The following PDILT variants were observed in gnomAD, a reference collection of about 807,000 sequenced individuals.
PDILT encodes protein disulfide isomerase like, testis expressed.
Under a neutral mutation model 53.7 loss-of-function variants are expected in PDILT, and 43 were observed. The observed-to-expected ratio is 0.80, with a 90% CI of 0.63 to 1.03. PDILT has a LOEUF of 1.03. PDILT is among the 50% of genes least tolerant of loss of function. The pLI, the probability that PDILT is intolerant of heterozygous loss-of-function variation, is 0.00. For missense variants in PDILT, 727 were observed against 712.3 expected, an observed-to-expected ratio of 1.02 and a Z score of -0.24; for synonymous variants, 282 against 274.2, an observed-to-expected ratio of 1.03 and a Z score of -0.28.
At chr16:20,364,616 T>C (rs938771281) in intron 9 of PDILT, among the ~76,000 whole-genome samples, 1 of 152,144 alleles carries the variant, frequency 6.6e-6, no homozygotes, top group Admixed American at 6.6e-5. Context: ...ATAAAAGAAA[T>C]GTCTGAAGGA....
rs768685735 is a variant in PDILT, at chr16:20,362,471, T to C, written c.1349A>G (p.Asn450Ser). The change falls in exon 10 of 12, where the codon AAT (asparagine) becomes AGT (serine). Residue 450 changes from asparagine (N) to serine (S), a missense_variant. Physicochemically the swap from Asn to Ser is conservative, Grantham distance 46 (BLOSUM62 1). Transcript: ENST00000302451. ...IIIAKIDVTA[N>S]DIQLMYLDRY... ...GTCCAGGTACATCAGCTGAATGTCA[T>C]TTGCTGTGACATCGATCTTGGCAAT... 4 of 1,614,068 alleles carry C rather than the reference T, an allele frequency of 2.5e-6. No individual in the cohort carries two copies. Among genetic ancestry groups the C allele is most frequent in the Admixed American group, 1.7e-5 (1 of 60,006 alleles).
Position 20,367,067 on chromosome 16 carries a change from CT to C in PDILT, c.1117-1528del, listed in dbSNP as rs1271440906. Among the ~76,000 whole-genome samples, 94 of 119,068 alleles carry C rather than the reference CT, an allele frequency of 7.9e-4. 1 individual carries two copies. Among genetic ancestry groups the C allele is most frequent in the African/African-American group, 1.8e-3 (53 of 29,578 alleles). 78.1% of individuals were successfully genotyped at this position (119,068 alleles called of 152,430 possible). On this transcript the variant is annotated intron_variant, in intron 8 of 11. Coordinates refer to ENST00000302451, the MANE Select transcript of PDILT (RefSeq NM_174924.2). Reference sequence around the variant, plus strand: ...TCTTTCTTTCTTTCTTTCTTTCTTTCTTTCTTTCTTTCTTTCTTTCTTTCTT... The same window carrying C: ...TCTTTCTTTCTTTCTTTCTTTCTTTCTTCTTTCTTTCTTTCTTTCTTTCTT...
At chr16:20,379,186 A>C (rs1264176235) in intron 3 of PDILT, among the ~76,000 whole-genome samples, 1 of 151,354 alleles carries the variant, frequency 6.6e-6, no homozygotes, top group Non-Finnish European at 1.5e-5. Context: ...GCTAATTTTT[A>C]TTTTTTGAGA....
chr16:20,397,174 C>T lies in PDILT; in HGVS notation c.202+1925G>A, dbSNP rs1966672252. Reference sequence around the variant, plus strand: ...ATTTTGAGACAGGTTCTCGCTCTGTCAGCCAGGCTGGAGTGCAGTGGCATG... The same window carrying T: ...ATTTTGAGACAGGTTCTCGCTCTGTTAGCCAGGCTGGAGTGCAGTGGCATG... On this transcript the variant is annotated intron_variant, in intron 2 of 11. Coordinates refer to ENST00000302451, the MANE Select transcript of PDILT (RefSeq NM_174924.2). Among the ~76,000 whole-genome samples the T allele has an allele frequency of 2.0e-5, 3 of 152,298 alleles. No individual in the cohort carries two copies. The South Asian group carries it at 6.2e-4, about 32-fold the overall frequency.
At position 20,375,060 on chromosome 16, in the gene PDILT, T is replaced by C. The variant is rs1966365375; in HGVS notation, c.544-101A>G. 4 of 1,353,380 alleles carry C rather than the reference T, an allele frequency of 3.0e-6. No individual in the cohort carries two copies. In the Admixed American group the frequency reaches 9.8e-5, roughly 33 times the overall value. 83.8% of individuals were successfully genotyped at this position (1,353,380 alleles called of 1,614,324 possible). A position where few individuals can be genotyped will look rare whatever the true frequency, so the allele number is the denominator to read the frequency against. ...TGGTGGCTGATTCGTCTCTTCACTT[T>C]TTCAAGTTCTGGGGTTTGCCTGGGT... is the stretch of plus-strand genomic sequence containing the variant. On this transcript the variant is annotated intron_variant, in intron 4 of 11. Coordinates refer to ENST00000302451, the MANE Select transcript of PDILT (RefSeq NM_174924.2).
chr16:20,380,416 C>A (rs767197607), intron 3 of PDILT, among the ~76,000 whole-genome samples: 1 of 152,078 alleles, frequency 6.6e-6, no homozygotes, highest in Admixed American at 6.5e-5. Flanking sequence ...CAGTTCACTG[C>A]AACCTCTGCC....
In PDILT at chr16:20,402,003, C is replaced by T. The variant is rs140375603; in HGVS notation, c.-8+2493G>A. On this transcript the variant is annotated intron_variant, in intron 1 of 11. Transcript: ENST00000302451. ...GCTAGTGAGCAGAGCCCTCCACAGT[C>T]GGTCAGACTCTGGCCACCAGGCTTC... Among the ~76,000 whole-genome samples the T allele has an allele frequency of 1.2e-3, 187 of 152,362 alleles. 1 individual carries two copies. The highest frequency in any genetic ancestry group is 4.2e-3 in the African/African-American group (173 of 41,602).
At chr16:20,395,914 T>G (rs1966656642) in intron 2 of PDILT, among the ~76,000 whole-genome samples, 1 of 152,194 alleles carries the variant, frequency 6.6e-6, no homozygotes, top group Non-Finnish European at 1.5e-5. Flanking sequence ...ATGCCCAACT[T>G]ACAACCAGCA....
chr16:20,381,634 CAAA>C (rs1034720000), intron 3 of PDILT, among the ~76,000 whole-genome samples: 4 of 58,590 alleles, frequency 6.8e-5, no homozygotes, highest in Non-Finnish European at 1.1e-4. Context: ...GACTCCATCT[CAAA>C]AAAAAAAAAA....
At chr16:20,366,871 T>C (rs1342333027) in intron 8 of PDILT, among the ~76,000 whole-genome samples, 5 of 152,126 alleles carry the variant, frequency 3.3e-5, no homozygotes, top group Non-Finnish European at 7.4e-5. Context: ...TTATTCTCTA[T>C]AAGCAGGGCT....
intron 11 of PDILT, 81 bp downstream of exon 11, chr16:20,360,487 C>T: frequency 7.9e-7 from 1 of 1,266,204 alleles, no homozygotes; most frequent in Non-Finnish European, 1.2e-6. Flanking sequence ...GGAACTCCAG[C>T]CATACTCTTT....
intron 3 of PDILT, among the ~76,000 whole-genome samples, chr16:20,378,610 C>T (rs930413949): frequency 6.6e-5 from 10 of 152,262 alleles, no homozygotes; most frequent in African/African-American, 2.2e-4. Context: ...TCCCTTCCCT[C>T]GCCCTCCACT....
chr16:20,376,137 CA>C lies in PDILT; in HGVS notation c.473del (p.Leu158CysfsTer12). ...CTGCCACCTGCTCGCTGCTGTTGAA[CA>C]AAAATGCTTTCTGGCTAATTTGTCG... The part of the protein sequence containing the change: ...LRRQISQKAF[L>X]FNSSEQVAEF... On this transcript the variant is annotated frameshift_variant, in exon 4 of 12. Transcript: ENST00000302451. LOFTEE classifies it high-confidence loss of function. 1 of 1,614,138 alleles carries C rather than the reference CA, an allele frequency of 6.2e-7. No individual in the cohort carries two copies. The highest frequency in any genetic ancestry group is 8.5e-7 in the Non-Finnish European group (1 of 1,180,012).
chr16:20,371,340 G>A (rs376264830), intron 7 of PDILT, among the ~76,000 whole-genome samples: 1 of 152,138 alleles, frequency 6.6e-6, no homozygotes, highest in Non-Finnish European at 1.5e-5. Context: ...GTGGAAGCAG[G>A]GAGATGAGTT....
At chr16:20,376,718 T>A (rs529177152) in intron 3 of PDILT, among the ~76,000 whole-genome samples, 1 of 152,324 alleles carries the variant, frequency 6.6e-6, no homozygotes, top group East Asian at 1.9e-4. Flanking sequence ...CCCCCATTCC[T>A]CAGCTGAGAT....
At chr16:20,367,933 T>C (rs1242137634) in intron 8 of PDILT, among the ~76,000 whole-genome samples, 1 of 151,962 alleles carries the variant, frequency 6.6e-6, no homozygotes, top group Non-Finnish European at 1.5e-5. Context: ...GTGAGTACTA[T>C]GGGGTATACA....
Position 20,369,548 on chromosome 16 carries a change from T to C in PDILT, c.1060A>G (p.Ile354Val), listed in dbSNP as rs140317331. 54 of 1,614,252 alleles carry C rather than the reference T, an allele frequency of 3.3e-5. No homozygotes were observed. The highest frequency in any genetic ancestry group is 4.5e-5 in the Non-Finnish European group (53 of 1,180,052). Residue 354 changes from isoleucine to valine, a missense_variant, in exon 8 of 12, where the codon ATA (isoleucine) becomes GTA (valine). Transcript: ENST00000302451. ...DARYKMPSDDITYESLKKFGR... is the reference protein window; with the variant it reads ...DARYKMPSDDVTYESLKKFGR... ...AATTTCTTGAGGCTTTCGTAGGTTA[T>C]GTCATCTGAAGGCATTTTGTACCTG...
intron 8 of PDILT, among the ~76,000 whole-genome samples, chr16:20,366,251 A>T (rs1192764937): frequency 6.6e-6 from 1 of 152,218 alleles, no homozygotes; most frequent in African/African-American, 2.4e-5. Flanking sequence ...TCTTCAGCTT[A>T]ACCAAATGGC....
At position 20,366,987 on chromosome 16, in the gene PDILT, C is replaced by CTTT. The variant is rs1555489405; in HGVS notation, c.1117-1448_1117-1447insAAA. 1.7e-4 allele frequency among the ~76,000 whole-genome samples: 14 copies of CTTT among 82,992 alleles called. 2 individuals are homozygous for CTTT. Among genetic ancestry groups the CTTT allele is most frequent in the East Asian group, 7.9e-4 (3 of 3,798 alleles). The allele number at this position is 82,992 out of a possible 152,430, so 54.4% of individuals were successfully genotyped here. A position where few individuals can be genotyped will look rare whatever the true frequency, so the allele number is the denominator to read the frequency against. On this transcript the variant is annotated intron_variant, in intron 8 of 11. Coordinates refer to ENST00000302451, the MANE Select transcript of PDILT (RefSeq NM_174924.2). ...TCCTTCCTTCCTTCCTTCCTTCCTTCCTTTCTTTCTTTCTTTATTTATTTC... is the reference window on the plus strand; with the variant it reads ...TCCTTCCTTCCTTCCTTCCTTCCTTCTTTCTTTCTTTCTTTCTTTATTTATTTC...
Sources: allele counts gnomAD v4.1 joint callset (sites outside exome capture counted in the v4.1 genomes callset), GRCh38; gene constraint gnomAD v4.1.1; transcripts MANE v1.5; gene names NCBI Gene and HGNC (gene_info 2026-07-23, HGNC 2026-07-21).